NLRC5: variants seen among roughly 807,000 people sequenced by gnomAD.
NLRC5 encodes NLR family CARD domain containing 5.
NLRC5 carries 114 observed loss-of-function variants against 206.9 expected under a neutral mutation model. That is an observed-to-expected ratio of 0.55 (90% CI 0.47 to 0.64). The LOEUF (loss-of-function observed/expected upper bound fraction) is 0.64, where lower values mean the gene tolerates loss of function less well. Ranked by LOEUF, NLRC5 falls within the 30% of genes least tolerant of loss-of-function variation. NLRC5 has a pLI of 0.00. For synonymous variants in NLRC5, 952 were observed against 962.8 expected, an observed-to-expected ratio of 0.99 and a Z score of 0.21; for missense variants, 2,008 against 2,305.5, an observed-to-expected ratio of 0.87 and a Z score of 2.64.
Position 57,026,928 on chromosome 16 carries a change from A to T in NLRC5, c.1985A>T (p.Glu662Val). The change falls in exon 6 of 49, where the codon GAG (glutamate) becomes GTG (valine). Residue 662 changes from glutamate (E) to valine (V), a missense_variant. Physicochemically the swap from Glu to Val is moderately radical, Grantham distance 121 (BLOSUM62 -2). Transcript: ENST00000688547. The part of the protein sequence containing the change: ...ATLTNILEHR[E>V]APIHLDFDGC... ...CTGACCAACATCCTAGAGCACAGGGAGGCCCCCATCCACCTGGATTTTGAT... is the reference window on the plus strand; with the variant it reads ...CTGACCAACATCCTAGAGCACAGGGTGGCCCCCATCCACCTGGATTTTGAT... The T allele has an allele frequency of 6.2e-7, 1 of 1,614,124 alleles. No homozygotes were observed. The highest frequency in any genetic ancestry group is 1.7e-4 in the Middle Eastern group (1 of 6,060).
chr16:57,059,045 C>T lies in NLRC5; in HGVS notation c.3904C>T (p.Arg1302Trp), dbSNP rs764585688. 41 of 1,613,936 alleles carry T rather than the reference C, an allele frequency of 2.5e-5. No homozygotes were observed. Among genetic ancestry groups the T allele is most frequent in the Admixed American group, 5.0e-5 (3 of 60,000 alleles). ...LETLPSCPRV[R>W]EASVNLGSEQ... ...GACACTGCCCTCCTGCCCACGTGTC[C>T]GGGAGGCCTCAGTGAAGTAAGGGGA... Residue 1302 changes from arginine (R) to tryptophan (W), a missense_variant, in exon 29 of 49, where the codon CGG (arginine) becomes TGG (tryptophan). By Grantham distance (101) the Arg-to-Trp change is moderately radical (BLOSUM62 -3). Coordinates refer to ENST00000688547, the MANE Select transcript of NLRC5 (RefSeq NM_001384950.1).
rs1191132490 is a variant in NLRC5, at chr16:56,989,593, A to C, written c.-152A>C. 6.5e-6 allele frequency: 1 copy of C among 152,978 alleles called. No individual in the cohort carries two copies. The highest frequency in any genetic ancestry group is 1.5e-5 in the Non-Finnish European group (1 of 68,822). The allele number at this position is 152,978 out of a possible 1,614,324, so 9.5% of individuals were successfully genotyped here. A position where few individuals can be genotyped will look rare whatever the true frequency, so the allele number is the denominator to read the frequency against. On this transcript the variant is annotated 5_prime_UTR_variant, in exon 1 of 49. Coordinates refer to ENST00000688547, the MANE Select transcript of NLRC5 (RefSeq NM_001384950.1). ...GAGCGCGGAGGAGCCGCGAGCGCTG[A>C]GGGTGAGTGCCGGGAGCTCTGAGGG... is the stretch of plus-strand genomic sequence containing the variant.
chr16:57,054,975 T>G, intron 25 of NLRC5, 57 bp from the exon 26 acceptor site: 1 of 1,605,818 alleles, frequency 6.2e-7, no homozygotes, highest in Non-Finnish European at 8.5e-7. Flanking sequence ...GCTGGCCCCG[T>G]GGGGGCATCC....
At chr16:57,053,745 T>A (rs1172777112) in intron 24 of NLRC5, among the ~76,000 whole-genome samples, 3 of 152,120 alleles carry the variant, frequency 2.0e-5, no homozygotes, top group African/African-American at 7.2e-5. Flanking sequence ...ACCATGCTGG[T>A]CTCAAACTCC....
intron 19 of NLRC5, among the ~76,000 whole-genome samples, chr16:57,042,367 C>T (rs929590414): frequency 2.0e-5 from 3 of 152,066 alleles, no homozygotes; most frequent in African/African-American, 7.2e-5. Flanking sequence ...GTATGACTAA[C>T]GGCTGGCAGT....
At chr16:57,041,433 T>G in intron 17 of NLRC5, 52 bp from the exon 18 acceptor site, 1 of 1,532,642 alleles carries the variant, frequency 6.5e-7, no homozygotes, top group Non-Finnish European at 9.0e-7. Flanking sequence ...AGCGGCTCCT[T>G]CCCGCCTCTG....
At chr16:57,055,193 A>G in intron 26 of NLRC5, 99 bp downstream of exon 26, 3 of 1,278,976 alleles carry the variant, frequency 2.3e-6, no homozygotes, top group Non-Finnish European at 3.4e-6. Flanking sequence ...TGCCTACCAC[A>G]AAACATTCCC....
intron 22 of NLRC5, 147 bp from the exon 23 acceptor site, chr16:57,047,398 G>C: frequency 1.5e-6 from 1 of 673,274 alleles, no homozygotes; most frequent in Non-Finnish European, 2.6e-6. Context: ...GGGGAGACTC[G>C]AGAGGGAAGC....
At chr16:57,033,810 C>A in intron 12 of NLRC5, 141 bp downstream of exon 12, 1 of 748,912 alleles carries the variant, frequency 1.3e-6, no homozygotes, top group Non-Finnish European at 2.2e-6. Context: ...GGTGCCCATC[C>A]TGGATAGCCC....
At chr16:57,044,776 G>A (rs1332179699) in intron 20 of NLRC5, among the ~76,000 whole-genome samples, 1 of 151,846 alleles carries the variant, frequency 6.6e-6, no homozygotes, top group Non-Finnish European at 1.5e-5. Flanking sequence ...TTAAAAATTA[G>A]CCAAGCGTGA....
At chr16:57,022,338 G>C (rs371029592) in intron 4 of NLRC5, 23 bp downstream of exon 4, 8 of 1,599,882 alleles carry the variant, frequency 5.0e-6, no homozygotes, top group Non-Finnish European at 8.6e-7. Flanking sequence ...GTTGGGGGGT[G>C]GGAAGGGGGT....
rs763957689 is a variant in NLRC5 at position 57,045,426 on chromosome 16, GCTGCTTCCTCT to G, written c.3204-13_3204-3del. 1 of 1,614,016 alleles carries G rather than the reference GCTGCTTCCTCT, an allele frequency of 6.2e-7. No homozygotes were observed. Among genetic ancestry groups the G allele is most frequent in the South Asian group, 1.1e-5 (1 of 91,078 alleles). ...GTTGGTCTTTGACCATTTTCAAACT[GCTGCTTCCTCT>G]CTGCTTCCAGCTTTGAAAGCCAACA... On this transcript the variant is annotated splice_polypyrimidine_tract_variant and intron_variant, in intron 20 of 48. Coordinates refer to ENST00000688547, the MANE Select transcript of NLRC5 (RefSeq NM_001384950.1).
chr16:56,991,860 A>T (rs1394228892), intron 1 of NLRC5: 1 of 151,988 alleles, frequency 6.6e-6, no homozygotes. Context: ...CCCACAAAAG[A>T]TATGCTGAAG....
chr16:57,080,827 T>A, intron 46 of NLRC5: 1 of 414,780 alleles, frequency 2.4e-6, no homozygotes, highest in Non-Finnish European at 4.3e-6. Context: ...ATATGATGCA[T>A]CTTAAATACA....
chr16:57,075,406 G>C (rs1331182473), intron 39 of NLRC5, among the ~76,000 whole-genome samples: 1 of 152,124 alleles, frequency 6.6e-6, no homozygotes. Context: ...TTTTGGTAGA[G>C]ACAGTGTTTC....
chr16:57,033,486 C>A, intron 11 of NLRC5, 118 bp from the exon 12 acceptor site: 1 of 881,508 alleles, frequency 1.1e-6, no homozygotes. Flanking sequence ...TCCTTTGTTA[C>A]CGACTCACTT....
chr16:57,039,089 G>A (rs1234811333), intron 15 of NLRC5, among the ~76,000 whole-genome samples: 1 of 151,994 alleles, frequency 6.6e-6, no homozygotes, highest in Non-Finnish European at 1.5e-5. Context: ...TCCCATGTTT[G>A]TAAAACAAAA....
Position 57,055,431 on chromosome 16 carries a change from A to G in NLRC5, c.3660-2A>G, listed in dbSNP as rs1567613163. The G allele has an allele frequency of 3.1e-6, 5 of 1,613,868 alleles. No homozygotes were observed. The highest frequency in any genetic ancestry group is 4.2e-6 in the Non-Finnish European group (5 of 1,179,872). ...CTGCTTGTCCCCTTTACCTCCGTCCAGCAGGTTCACAGGCTGCAGCCTCAG... is the reference window on the plus strand; with the variant it reads ...CTGCTTGTCCCCTTTACCTCCGTCCGGCAGGTTCACAGGCTGCAGCCTCAG... On this transcript the variant is annotated splice_acceptor_variant, in intron 26 of 48. Transcript: ENST00000688547. LOFTEE classifies it high-confidence loss of function.
intron 1 of NLRC5, among the ~76,000 whole-genome samples, chr16:57,001,349 A>C (rs2058224994): frequency 6.6e-6 from 1 of 152,200 alleles, no homozygotes; most frequent in Non-Finnish European, 1.5e-5. Flanking sequence ...ACAGATGAGA[A>C]AACTGAGGTC....
Sources: allele counts gnomAD v4.1 joint callset (sites outside exome capture counted in the v4.1 genomes callset), GRCh38; gene constraint gnomAD v4.1.1; transcripts MANE v1.5; gene names NCBI Gene and HGNC (gene_info 2026-07-23, HGNC 2026-07-21).